PCDH9: variants seen among roughly 807,000 people sequenced by gnomAD.
PCDH9 encodes protocadherin-9.
A neutral mutation model predicts 70.6 loss-of-function variants in PCDH9; 24 were observed. That is an observed-to-expected ratio of 0.34 (90% confidence interval 0.25 to 0.48). PCDH9 has a LOEUF of 0.48. Ranked by LOEUF, PCDH9 falls within the 20% of genes least tolerant of loss-of-function variation. The pLI is 0.99. For synonymous variants in PCDH9, 562 were observed against 558.5 expected, an observed-to-expected ratio of 1.01 and a Z score of -0.09; for missense variants, 1,281 against 1,503.6, an observed-to-expected ratio of 0.85 and a Z score of 2.45.
At chr13:67,081,722 T>G (rs183501962) in intron 2 of PCDH9, among the ~76,000 whole-genome samples, 3 of 152,286 alleles carry the variant, frequency 2.0e-5, no homozygotes, top group East Asian at 3.9e-4. Context: ...ACTGCAAATC[T>G]TCTGTTCTAA....
At chr13:66,822,036 A>G (rs2080719944) in intron 3 of PCDH9, among the ~76,000 whole-genome samples, 1 of 152,026 alleles carries the variant, frequency 6.6e-6, no homozygotes, top group Non-Finnish European at 1.5e-5. Flanking sequence ...AGGATTTTTA[A>G]CACATTGGTA....
chr13:67,213,856 G>A (rs1041909127), intron 2 of PCDH9: 1 of 152,144 alleles, frequency 6.6e-6, no homozygotes, highest in African/African-American at 2.4e-5. Context: ...AGTTCAACAA[G>A]AAGTTACATA....
intron 3 of PCDH9, among the ~76,000 whole-genome samples, chr13:66,673,824 T>G (rs1298184621): frequency 2.0e-5 from 3 of 152,196 alleles, no homozygotes; most frequent in Non-Finnish European, 4.4e-5. Context: ...ACTTATTATA[T>G]TCCACAGCAT....
At chr13:66,401,351 GT>G (rs5804280) in intron 4 of PCDH9, among the ~76,000 whole-genome samples, 63,935 of 150,630 alleles carry the variant, frequency 0.42, 13,796 homozygotes, top group African/African-American at 0.5. Flanking sequence ...GGTTTTATGA[GT>G]TTTTTTTTCC....
At chr13:67,049,190 AT>A (rs2085277953) in intron 2 of PCDH9, among the ~76,000 whole-genome samples, 1 of 152,196 alleles carries the variant, frequency 6.6e-6, no homozygotes, top group Non-Finnish European at 1.5e-5. Flanking sequence ...TTGTGCATAC[AT>A]TTAGAAAAAA....
chr13:66,508,687 G>T (rs941263254), intron 4 of PCDH9, among the ~76,000 whole-genome samples: 6 of 152,042 alleles, frequency 3.9e-5, no homozygotes, highest in African/African-American at 9.7e-5. Context: ...ACCAAATACA[G>T]TTACTCAGTT....
At chr13:67,182,041 T>A (rs1204966891) in intron 2 of PCDH9, among the ~76,000 whole-genome samples, 1 of 152,162 alleles carries the variant, frequency 6.6e-6, no homozygotes, top group Non-Finnish European at 1.5e-5. Context: ...GGCTCAAGGC[T>A]CTGCCCCTGG....
intron 3 of PCDH9, among the ~76,000 whole-genome samples, chr13:66,829,264 A>G (rs2080880797): frequency 6.6e-6 from 1 of 152,090 alleles, no homozygotes; most frequent in Non-Finnish European, 1.5e-5. Context: ...TGATCCACCC[A>G]CCTCGGCCTC....
intron 2 of PCDH9, among the ~76,000 whole-genome samples, chr13:67,069,652 A>G (rs1240377972): frequency 1.3e-5 from 2 of 152,044 alleles, no homozygotes; most frequent in East Asian, 3.9e-4. Context: ...ATAATTGACC[A>G]TCTCCTTTCT....
intron 2 of PCDH9, among the ~76,000 whole-genome samples, chr13:67,028,415 C>T (rs169002): frequency 0.97 from 112,191 of 115,744 alleles, 54,469 homozygotes; most frequent in East Asian, 1. Flanking sequence ...CTGGGAACTG[C>T]TGTGGGGTGG....
Position 66,500,138 on chromosome 13 carries a change from T to G in PCDH9, c.3340+131072A>C, listed in dbSNP as rs78019824. 1.9e-3 allele frequency among the ~76,000 whole-genome samples: 294 copies of G among 152,334 alleles called. 6 individuals are homozygous for G. The East Asian group carries it at 0.051, about 26-fold the overall frequency. On this transcript the variant is annotated intron_variant, in intron 4 of 4. Coordinates refer to ENST00000377865, the MANE Select transcript of PCDH9 (RefSeq NM_203487.3). ...ATTTTCCTCTTCTATTTCTATTAGA[T>G]AATATAGCATTAATAAATTATTAAG...
intron 3 of PCDH9, among the ~76,000 whole-genome samples, chr13:66,810,716 A>T (rs1246527917): frequency 2.6e-5 from 4 of 152,040 alleles, no homozygotes; most frequent in Middle Eastern, 7.6e-3. Flanking sequence ...AACACCAGAG[A>T]TGTAAAGAAT....
intron 4 of PCDH9, among the ~76,000 whole-genome samples, chr13:66,454,380 A>G (rs1490447529): frequency 6.6e-6 from 1 of 152,262 alleles, no homozygotes; most frequent in African/African-American, 2.4e-5. Flanking sequence ...TTGACATACA[A>G]TTATATGACA....
chr13:67,229,735 C>T (rs1314277264), intron 1 of PCDH9, 45 bp downstream of exon 1: 1 of 152,250 alleles, frequency 6.6e-6, no homozygotes, highest in South Asian at 2.1e-4. Context: ...GAGGACACAT[C>T]TAAACACAGA....
At chr13:66,393,687 T>C (rs1165053573) in intron 4 of PCDH9, among the ~76,000 whole-genome samples, 2 of 152,210 alleles carry the variant, frequency 1.3e-5, no homozygotes, top group Non-Finnish European at 2.9e-5. Flanking sequence ...TAAATGTGCA[T>C]AAACTGTTCT....
In PCDH9 at chr13:66,777,179, A is replaced by G. The variant is rs368625208; in HGVS notation, c.3138+126325T>C. The stretch of plus-strand genomic sequence containing the variant: ...TTAGACCTAAAACCATAAAAACCCT[A>G]GAAGAAAAGCTAGGCAATACCATTC... On this transcript the variant is annotated intron_variant, in intron 3 of 4. Transcript: ENST00000377865. Among the ~76,000 whole-genome samples the G allele has an allele frequency of 2.0e-5, 3 of 152,206 alleles. No homozygotes were observed. The East Asian group carries it at 5.8e-4, about 30-fold the overall frequency.
intron 3 of PCDH9, among the ~76,000 whole-genome samples, chr13:66,749,869 C>T (rs905307691): frequency 6.6e-6 from 1 of 152,148 alleles, no homozygotes; most frequent in East Asian, 1.9e-4. Context: ...ACCCTAACTC[C>T]AGATTATACT....
At chr13:66,635,221 C>A (rs7139879) in intron 3 of PCDH9, among the ~76,000 whole-genome samples, 144,241 of 152,168 alleles carry the variant, frequency 0.95, 68,876 homozygotes, top group East Asian at 1. Context: ...TTACCCATTC[C>A]ATTTTATCCT....
At chr13:66,375,733 C>T (rs1316072162) in intron 4 of PCDH9, among the ~76,000 whole-genome samples, 1 of 151,914 alleles carries the variant, frequency 6.6e-6, no homozygotes, top group Non-Finnish European at 1.5e-5. Flanking sequence ...TGAAATATGA[C>T]CTGAATAAGT....
Sources: gnomAD v4.1 joint callset for allele counts (sites outside exome capture counted in the v4.1 genomes callset) on GRCh38, gnomAD v4.1.1 for gene constraint, MANE v1.5 for transcripts, NCBI Gene and HGNC (gene_info 2026-07-23, HGNC 2026-07-21) for gene names.